Variants in PRKAR1A observed in about 807,000 individuals in gnomAD.
PRKAR1A encodes the protein cAMP-dependent protein kinase type I-alpha regulatory subunit.
PRKAR1A carries 3 observed loss-of-function variants against 52.0 expected under a neutral mutation model. That is an observed-to-expected ratio of 0.06 (90% CI 0.03 to 0.15). The LOEUF is 0.15. Ranked by LOEUF, PRKAR1A falls within the 10% of genes least tolerant of loss-of-function variation. PRKAR1A has a pLI of 1.00. For synonymous variants in PRKAR1A, 188 were observed against 168.4 expected, an observed-to-expected ratio of 1.12 and a Z score of -0.90; for missense variants, 240 against 477.4, an observed-to-expected ratio of 0.50 and a Z score of 4.63.
At chr17:68,417,636 G>T in the PRKAR1A span, among the ~76,000 whole-genome samples, 1 of 148,904 alleles carries the variant, frequency 6.7e-6, no homozygotes, top group South Asian at 2.1e-4. Context: ...CTGTTAAGTT[G>T]TGATTGTTTC....
chr17:68,482,208 C>T, the PRKAR1A span, among the ~76,000 whole-genome samples: 1 of 152,250 alleles, frequency 6.6e-6, no homozygotes. Context: ...ACGGATTTGA[C>T]TGCATGTAAT....
chr17:68,489,288 ATGGAAAG>A, the PRKAR1A span, among the ~76,000 whole-genome samples: 1 of 27,352 alleles, frequency 3.7e-5, no homozygotes, highest in Non-Finnish European at 6.4e-5. Context: ...ATATATATAT[ATGGAAAG>A]TATATATATA....
intron 8 of PRKAR1A, 132 bp downstream of exon 8, chr17:68,528,032 T>C: frequency 7.8e-6 from 6 of 765,762 alleles, no homozygotes; most frequent in Non-Finnish European, 1.1e-5. Context: ...GGGCTGAAAG[T>C]CCTTCTGACT....
the PRKAR1A span, chr17:68,421,679 G>A: frequency 5.7e-6 from 9 of 1,565,266 alleles, no homozygotes; most frequent in Non-Finnish European, 7.9e-6. Context: ...CCCCCTTTCT[G>A]CTCACACAAT....
the PRKAR1A span, among the ~76,000 whole-genome samples, chr17:68,476,956 G>C: frequency 2.6e-5 from 4 of 151,936 alleles, no homozygotes; most frequent in Non-Finnish European, 5.9e-5. Flanking sequence ...CACCGTGCTC[G>C]GCCGAGATTT....
At chr17:68,520,760 T>C (rs1229629041) in intron 2 of PRKAR1A, among the ~76,000 whole-genome samples, 3 of 152,214 alleles carry the variant, frequency 2.0e-5, no homozygotes, top group African/African-American at 7.2e-5. Context: ...ACTGCTAAAA[T>C]CAGAATGCTT....
At chr17:68,514,397 C>T (rs112318367) in intron 1 of PRKAR1A, among the ~76,000 whole-genome samples, 1 of 152,260 alleles carries the variant, frequency 6.6e-6, no homozygotes, top group Non-Finnish European at 1.5e-5. Context: ...CTCTTAAGTG[C>T]TTAGTAATTA....
chr17:68,545,778 T>C (rs1436413350), intron 11 of PRKAR1A, among the ~76,000 whole-genome samples: 1 of 152,238 alleles, frequency 6.6e-6, no homozygotes, highest in Non-Finnish European at 1.5e-5. Context: ...TGCATAATAT[T>C]CTAAATCCTC....
chr17:68,475,002 T>G, the PRKAR1A span, among the ~76,000 whole-genome samples: 38 of 152,272 alleles, frequency 2.5e-4, no homozygotes, highest in Non-Finnish European at 3.5e-4. Context: ...GTTGGATTTA[T>G]TTTTGTAATG....
chr17:68,457,276 G>A, the PRKAR1A span: 2 of 1,521,798 alleles, frequency 1.3e-6, no homozygotes, highest in Admixed American at 2.0e-5. Flanking sequence ...CTGCTCTCAG[G>A]ACGACACCCC....
At chr17:68,498,429 G>C in the PRKAR1A span, among the ~76,000 whole-genome samples, 1 of 152,160 alleles carries the variant, frequency 6.6e-6, no homozygotes, top group Non-Finnish European at 1.5e-5. Flanking sequence ...CAATGCCCCT[G>C]GGTCGTTTTG....
chr17:68,542,083 C>G (rs751572686), intron 11 of PRKAR1A: 1 of 1,614,010 alleles, frequency 6.2e-7, no homozygotes, highest in East Asian at 2.2e-5. Context: ...AGAGGGAACC[C>G]TCCAGCAGGT....
At chr17:68,529,806 T>C (rs1393686660) in intron 9 of PRKAR1A, 114 bp from the exon 10 acceptor site, 15 of 1,023,112 alleles carry the variant, frequency 1.5e-5, no homozygotes, top group Non-Finnish European at 2.3e-5. Flanking sequence ...TTTAAAGTCA[T>C]TTTTTATCAT....
the PRKAR1A span, among the ~76,000 whole-genome samples, chr17:68,438,463 G>T: frequency 6.6e-6 from 1 of 152,238 alleles, no homozygotes; most frequent in Non-Finnish European, 1.5e-5. Context: ...TGGTTGTCTT[G>T]TGTGCTGGGT....
chr17:68,548,125 T>G (rs2086653376), intron 11 of PRKAR1A, among the ~76,000 whole-genome samples: 1 of 152,188 alleles, frequency 6.6e-6, no homozygotes, highest in Non-Finnish European at 1.5e-5. Context: ...CCAGGTGCAG[T>G]GGCTCACACC....
chr17:68,495,909 T>G, the PRKAR1A span, among the ~76,000 whole-genome samples: 6 of 145,824 alleles, frequency 4.1e-5, no homozygotes, highest in Admixed American at 4.1e-4. Context: ...CCACATTTCT[T>G]GGCTCCTGGT....
the PRKAR1A span, among the ~76,000 whole-genome samples, chr17:68,460,197 A>G: frequency 1.1e-4 from 17 of 152,318 alleles, 1 homozygote; most frequent in East Asian, 3.3e-3. Flanking sequence ...CTCAGTTCAC[A>G]TGAGCCACAT....
At chr17:68,436,336 C>T in the PRKAR1A span, 1 of 1,565,162 alleles carries the variant, frequency 6.4e-7, no homozygotes, top group Admixed American at 1.7e-5. Context: ...CATGACCACA[C>T]AGCCAAGGCA....
downstream of PRKAR1A, chr17:68,537,589 A>G (rs373457690): frequency 6.2e-7 from 1 of 1,613,414 alleles, no homozygotes; most frequent in Non-Finnish European, 8.5e-7. This position sits in a 1 kb window ranked among gnomAD's most constrained non-coding sequence, Gnocchi z 4.2. Context: ...TGTCCTTAGG[A>G]TGGTTTGGAG....
Sources: allele counts gnomAD v4.1 joint callset (sites outside exome capture counted in the v4.1 genomes callset), GRCh38; gene constraint gnomAD v4.1.1; non-coding constraint Gnocchi (gnomAD v3.1); transcripts MANE v1.5; gene names NCBI Gene and HGNC (gene_info 2026-07-23, HGNC 2026-07-21).